The following AXDND1 variants were observed in gnomAD, a reference collection of about 807,000 sequenced individuals.
AXDND1 encodes axonemal dynein light chain domain-containing protein 1.
A neutral mutation model predicts 137.5 loss-of-function variants in AXDND1; 110 were observed. The ratio of observed to expected loss-of-function variants is 0.80; its 90% CI spans 0.69 to 0.94. AXDND1 has a LOEUF of 0.94. Among genes scored for constraint, AXDND1 ranks in the 40% least tolerant of loss-of-function variants. The pLI, the probability that AXDND1 is intolerant of heterozygous loss-of-function variation, is 0.00. For missense variants in AXDND1, 1,191 were observed against 1,169.8 expected, an observed-to-expected ratio of 1.02 and a Z score of -0.26; for synonymous variants, 414 against 399.7, an observed-to-expected ratio of 1.04 and a Z score of -0.43.
chr1:179,528,438 A>G lies in AXDND1; in HGVS notation c.2715+7A>G, dbSNP rs753129605. The G allele has an allele frequency of 3.2e-6, 5 of 1,583,846 alleles. No homozygotes were observed. The South Asian group carries it at 4.4e-5, about 14-fold the overall frequency. Reference sequence around the variant, plus strand: ...AGATGTGTTGTCTTCCTGGGTATGTATCTGAAACCCAGCTAGGGAATTCAA... The same window carrying G: ...AGATGTGTTGTCTTCCTGGGTATGTGTCTGAAACCCAGCTAGGGAATTCAA... On this transcript the variant is annotated splice_region_variant and intron_variant, in intron 23 of 25. Transcript: ENST00000367618.
At chr1:179,503,353 G>C (rs1318078945) in intron 20 of AXDND1, among the ~76,000 whole-genome samples, 2 of 151,678 alleles carry the variant, frequency 1.3e-5, no homozygotes, top group Non-Finnish European at 2.9e-5. Context: ...TAAAATTTAT[G>C]TACAACATCT....
chr1:179,552,493 C>G (rs1673433134), intron 25 of AXDND1: 2 of 829,626 alleles, frequency 2.4e-6, no homozygotes, highest in Non-Finnish European at 2.0e-6. Flanking sequence ...GGGCCCAAGA[C>G]AGCTTCTGCC....
In AXDND1 at chr1:179,368,981, G is replaced by A. The variant is rs1451535403; in HGVS notation, c.270+9G>A. ...AAATTAAAACCCCAAAGGTTTGTAT[G>A]TACATATGTAGAGTAATGGGGAACA... On this transcript the variant is annotated intron_variant, in intron 3 of 25. Transcript: ENST00000367618. The A allele has an allele frequency of 4.4e-6, 7 of 1,595,262 alleles. No individual in the cohort carries two copies. Among genetic ancestry groups the A allele is most frequent in the Non-Finnish European group, 5.1e-6 (6 of 1,166,762 alleles).
chr1:179,511,809 A>G (rs1669088648), intron 21 of AXDND1, among the ~76,000 whole-genome samples: 1 of 152,126 alleles, frequency 6.6e-6, no homozygotes, highest in Non-Finnish European at 1.5e-5. Context: ...TTCCCTGATC[A>G]TTAGTGAGGC....
At chr1:179,371,561 C>T (rs1668039174) in intron 4 of AXDND1, among the ~76,000 whole-genome samples, 1 of 152,146 alleles carries the variant, frequency 6.6e-6, no homozygotes, top group South Asian at 2.1e-4. Context: ...GTCTCAGAAC[C>T]TGTGAATACA....
At chr1:179,510,260 A>G (rs1301708318) in intron 21 of AXDND1, among the ~76,000 whole-genome samples, 1 of 152,100 alleles carries the variant, frequency 6.6e-6, no homozygotes, top group Non-Finnish European at 1.5e-5. Flanking sequence ...ATCAGTGACT[A>G]TCATGTGCCA....
chr1:179,383,913 T>C (rs533326197), intron 8 of AXDND1, among the ~76,000 whole-genome samples: 1 of 152,180 alleles, frequency 6.6e-6, no homozygotes, highest in South Asian at 2.1e-4. Flanking sequence ...TTAGTAGAGA[T>C]GGGGTTTCAC....
intron 13 of AXDND1, 57 bp from the exon 14 acceptor site, chr1:179,430,395 G>A (rs1303071326): frequency 1.2e-5 from 16 of 1,301,236 alleles, no homozygotes; most frequent in African/African-American, 1.2e-4. Flanking sequence ...ATATGTTAAT[G>A]ACTATTTGTT....
chr1:179,459,337 A>G (rs1661878710), intron 16 of AXDND1, among the ~76,000 whole-genome samples: 1 of 152,138 alleles, frequency 6.6e-6, no homozygotes, highest in South Asian at 2.1e-4. Context: ...ATAGGAAGAA[A>G]ATTATATATG....
At chr1:179,456,620 A>T (rs1186376631) in intron 16 of AXDND1, 17 of 831,394 alleles carry the variant, frequency 2.0e-5, no homozygotes, top group Non-Finnish European at 3.5e-5. Context: ...AGCCATCCCC[A>T]CTGCCACCAT....
chr1:179,429,014 A>G (rs1184403410), intron 12 of AXDND1, among the ~76,000 whole-genome samples: 2 of 152,084 alleles, frequency 1.3e-5, no homozygotes, highest in Non-Finnish European at 2.9e-5. Context: ...CATCTCTACT[A>G]AAAATAAAAA....
chr1:179,457,017 T>C (rs1571913180), intron 16 of AXDND1: 17 of 1,562,190 alleles, frequency 1.1e-5, no homozygotes, highest in Admixed American at 6.7e-5. Context: ...CCAACAAATA[T>C]CTTTTTCACA....
In AXDND1 at chr1:179,508,678, A is replaced by G. The variant is rs112086449; in HGVS notation, c.2389-618A>G. 4.0e-3 allele frequency among the ~76,000 whole-genome samples: 602 copies of G among 152,114 alleles called. 3 individuals carry two copies. Among genetic ancestry groups the G allele is most frequent in the African/African-American group, 0.014 (570 of 41,482 alleles). On this transcript the variant is annotated intron_variant, in intron 20 of 25. Transcript: ENST00000367618. ...GAGCACCTTTTCCAAAAGTGTCTCA[A>G]ATCTTGATCCATTCACTTTATTAGC... is the stretch of plus-strand genomic sequence containing the variant.
chr1:179,463,182 G>A (rs1401662833), intron 16 of AXDND1, among the ~76,000 whole-genome samples: 2 of 152,060 alleles, frequency 1.3e-5, no homozygotes, highest in Non-Finnish European at 2.9e-5. Flanking sequence ...GTTTGCTCTT[G>A]CTTCTCTAGT....
intron 16 of AXDND1, chr1:179,449,337 G>C (rs1420817934): frequency 3.3e-6 from 1 of 301,470 alleles, no homozygotes; most frequent in South Asian, 2.5e-5. Context: ...GTTAACCAGA[G>C]ATCTCTGGGC....
chr1:179,401,218 A>G (rs112667627), intron 11 of AXDND1, among the ~76,000 whole-genome samples: 15,486 of 138,628 alleles, frequency 0.11, 936 homozygotes, highest in African/African-American at 0.15. Flanking sequence ...AGGTTGTGCC[A>G]TTGTGCTTCA....
chr1:179,416,964 A>G (rs567571956), intron 12 of AXDND1, among the ~76,000 whole-genome samples: 1 of 152,262 alleles, frequency 6.6e-6, no homozygotes, highest in East Asian at 1.9e-4. Context: ...CCTTTTATAG[A>G]ACAGTTCTCC....
intron 25 of AXDND1, chr1:179,552,847 C>A (rs1673518271): frequency 3.0e-6 from 2 of 674,866 alleles, no homozygotes; most frequent in Non-Finnish European, 5.4e-6. Flanking sequence ...GTAGGCAGAT[C>A]TCCAAGGTCG....
chr1:179,457,197 AT>A, intron 16 of AXDND1: 1 of 757,900 alleles, frequency 1.3e-6, no homozygotes, highest in Non-Finnish European at 2.4e-6. Flanking sequence ...TTTGGATCTC[AT>A]TACCACACAG....
Sources: gnomAD v4.1 joint callset for allele counts (sites outside exome capture counted in the v4.1 genomes callset) on GRCh38, gnomAD v4.1.1 for gene constraint, MANE v1.5 for transcripts, NCBI Gene and HGNC (gene_info 2026-07-23, HGNC 2026-07-21) for gene names.